The following DOCK2 variants were observed in gnomAD, a reference collection of about 807,000 sequenced individuals.
The protein encoded by DOCK2 is dedicator of cytokinesis 2.
In DOCK2, 87 loss-of-function variants were observed where a neutral mutation model predicts 248.9. The ratio of observed to expected loss-of-function variants is 0.35; its 90% CI spans 0.29 to 0.42. DOCK2 has a LOEUF of 0.42. Among genes scored for constraint, DOCK2 ranks in the 10% least tolerant of loss-of-function variants. The pLI is 1.00. For synonymous variants in DOCK2, 805 were observed against 821.6 expected, an observed-to-expected ratio of 0.98 and a Z score of 0.35; for missense variants, 1,747 against 2,300.2, an observed-to-expected ratio of 0.76 and a Z score of 4.92.
intron 22 of DOCK2, among the ~76,000 whole-genome samples, chr5:169,720,510 A>G (rs2113567985): frequency 6.7e-6 from 1 of 150,254 alleles, no homozygotes; most frequent in East Asian, 2.0e-4. Flanking sequence ...TCAAGGATTG[A>G]GCTTCTTTAC....
intron 23 of DOCK2, among the ~76,000 whole-genome samples, chr5:169,756,337 C>T (rs774934293): frequency 1.9e-4 from 29 of 152,204 alleles, no homozygotes; most frequent in Admixed American, 3.3e-4. Context: ...GCCAGCAACT[C>T]GCAGCAGACA....
chr5:170,043,858 A>G (rs1410481621), intron 38 of DOCK2, among the ~76,000 whole-genome samples: 1 of 152,252 alleles, frequency 6.6e-6, no homozygotes, highest in Non-Finnish European at 1.5e-5. Context: ...AGCAGAGAGG[A>G]AAAAGGCATG....
intron 27 of DOCK2, among the ~76,000 whole-genome samples, chr5:169,925,578 T>TAAAAAAAAAAAAAAAAAAAAAAAAA (rs1561828965): frequency 3.1e-5 from 1 of 32,324 alleles, no homozygotes; most frequent in African/African-American, 1.3e-4. Flanking sequence ...AGACTCTGTC[T>TAAAAAAAAAAAAAAAAAAAAAAAAA]TAAAAAAAAA....
chr5:169,942,981 C>T (rs371700241), intron 27 of DOCK2, among the ~76,000 whole-genome samples: 63 of 152,090 alleles, frequency 4.1e-4, no homozygotes, highest in African/African-American at 1.3e-3. Context: ...AAATCGTATG[C>T]GTGGGACAAA....
chr5:169,964,954 A>C (rs184677802), intron 27 of DOCK2, among the ~76,000 whole-genome samples: 1 of 152,310 alleles, frequency 6.6e-6, no homozygotes, highest in Admixed American at 6.5e-5. Flanking sequence ...ATTGGCATTC[A>C]TATCTGTTTT....
intron 27 of DOCK2, among the ~76,000 whole-genome samples, chr5:169,944,187 C>T (rs1057267242): frequency 3.3e-5 from 5 of 152,122 alleles, no homozygotes; most frequent in South Asian, 2.1e-4. Context: ...ACCAAAGGCC[C>T]TGCCTTTGAG....
chr5:169,641,922 C>A (rs987661129), intron 1 of DOCK2, among the ~76,000 whole-genome samples: 1 of 152,320 alleles, frequency 6.6e-6, no homozygotes, highest in Non-Finnish European at 1.5e-5. Context: ...GTAAGAAAGA[C>A]AACCCAAGTC....
At chr5:170,025,795 CCTTCCTT>C in intron 33 of DOCK2, among the ~76,000 whole-genome samples, 4 of 52,182 alleles carry the variant, frequency 7.7e-5, no homozygotes, top group African/African-American at 2.9e-4. Flanking sequence ...TCCCTCCCTT[CCTTCCTT>C]CCTTCCTTCC....
chr5:169,795,018 C>A (rs1451143395), intron 25 of DOCK2, among the ~76,000 whole-genome samples: 1 of 152,210 alleles, frequency 6.6e-6, no homozygotes, highest in Non-Finnish European at 1.5e-5. Context: ...CATACCAAGA[C>A]CCCATCCCTA....
intron 27 of DOCK2, among the ~76,000 whole-genome samples, chr5:169,880,195 A>T (rs1772558242): frequency 6.6e-6 from 1 of 152,232 alleles, no homozygotes; most frequent in Non-Finnish European, 1.5e-5. Context: ...AAAGGCATTT[A>T]TCTGTGAGCA....
chr5:169,779,099 G>T (rs969256087), intron 25 of DOCK2, among the ~76,000 whole-genome samples: 5 of 152,040 alleles, frequency 3.3e-5, no homozygotes, highest in Admixed American at 6.6e-5. Context: ...ACCTAAAGCT[G>T]CTCTTTAAAC....
In DOCK2 at chr5:170,080,300, C is replaced by T. The variant is rs1199712949; in HGVS notation, c.5287+17C>T. ...CCATCCCAGGTATGCCCCCTGCTGC[C>T]ACCAGCATGAGGGAGTAGAGATAGT... is the stretch of plus-strand genomic sequence containing the variant. On this transcript the variant is annotated intron_variant, in intron 50 of 51. Coordinates refer to ENST00000520908, the MANE Select transcript of DOCK2 (RefSeq NM_004946.3). 1 of 1,613,702 alleles carries T rather than the reference C, an allele frequency of 6.2e-7. No homozygotes were observed. The highest frequency in any genetic ancestry group is 1.3e-5 in the African/African-American group (1 of 74,924).
chr5:169,712,067 G>A, intron 16 of DOCK2, 53 bp from the exon 17 acceptor site: 1 of 1,613,784 alleles, frequency 6.2e-7, no homozygotes, highest in South Asian at 1.1e-5. Context: ...GAATGGAAGA[G>A]CTGGGTGGCC....
intron 1 of DOCK2, among the ~76,000 whole-genome samples, chr5:169,648,754 G>A (rs572218267): frequency 6.6e-6 from 1 of 152,320 alleles, no homozygotes; most frequent in South Asian, 2.1e-4. Context: ...CGATGAAATG[G>A]GTGGCTGTGC....
At position 169,846,659 on chromosome 5, in the gene DOCK2, CA is replaced by C. The variant is rs575402119; in HGVS notation, c.2799+5808del. On this transcript the variant is annotated intron_variant, in intron 27 of 51. Transcript: ENST00000520908. Reference sequence around the variant, plus strand: ...ACATATATGTACATATATACACACACATATATATATATACACACACACATAT... The same window carrying C: ...ACATATATGTACATATATACACACACTATATATATATACACACACACATAT... 2.2e-3 allele frequency among the ~76,000 whole-genome samples: 331 copies of C among 151,112 alleles called. 3 individuals are homozygous for C. Among genetic ancestry groups the C allele is most frequent in the African/African-American group, 7.5e-3 (309 of 41,154 alleles).
chr5:169,688,000 C>G (rs905508177), intron 8 of DOCK2, among the ~76,000 whole-genome samples: 3 of 152,216 alleles, frequency 2.0e-5, no homozygotes, highest in African/African-American at 7.2e-5. Flanking sequence ...CCTCAGCTCA[C>G]TGCAACCTCC....
chr5:169,716,435 T>A (rs999495056), intron 20 of DOCK2, 133 bp downstream of exon 20: 22 of 823,192 alleles, frequency 2.7e-5, no homozygotes, highest in African/African-American at 2.1e-4. Flanking sequence ...TTGTAATGTT[T>A]GGCAACAAGA....
intron 26 of DOCK2, among the ~76,000 whole-genome samples, chr5:169,805,431 G>A (rs2113147076): frequency 6.6e-6 from 1 of 152,198 alleles, no homozygotes; most frequent in Admixed American, 6.5e-5. Context: ...GCCTCTTTCT[G>A]TTGAAAAGCC....
chr5:169,743,377 G>T (rs1287937068), intron 22 of DOCK2, among the ~76,000 whole-genome samples: 1 of 152,204 alleles, frequency 6.6e-6, no homozygotes, highest in Non-Finnish European at 1.5e-5. Context: ...TTTGAGGCCA[G>T]CTTGGGCAAC....
Sources: allele counts gnomAD v4.1 joint callset (sites outside exome capture counted in the v4.1 genomes callset), GRCh38; gene constraint gnomAD v4.1.1; transcripts MANE v1.5; gene names NCBI Gene and HGNC (gene_info 2026-07-23, HGNC 2026-07-21).